Variants in MCCC2 observed in about 807,000 individuals in gnomAD.
MCCC2 encodes methylcrotonyl-CoA carboxylase subunit 2.
Under a neutral mutation model 77.2 loss-of-function variants are expected in MCCC2, and 52 were observed. The ratio of observed to expected loss-of-function variants is 0.67; its 90% CI spans 0.54 to 0.85. The LOEUF (loss-of-function observed/expected upper bound fraction) is 0.85. Among genes scored for constraint, MCCC2 ranks in the 40% least tolerant of loss-of-function variants. The probability of loss-of-function intolerance (pLI) is 0.00; values close to 1 mark genes in which losing one functional copy is unlikely to be tolerated. For synonymous variants in MCCC2, 253 were observed against 248.4 expected, an observed-to-expected ratio of 1.02 and a Z score of -0.18; for missense variants, 682 against 703.2, an observed-to-expected ratio of 0.97 and a Z score of 0.34.
intron 6 of MCCC2, among the ~76,000 whole-genome samples, chr5:71,625,246 T>C (rs1232811301): frequency 6.6e-6 from 1 of 152,206 alleles, no homozygotes; most frequent in Non-Finnish European, 1.5e-5. Flanking sequence ...GATACTGAAA[T>C]AGTTTGAGCT....
At chr5:71,616,802 A>C (rs963817866) in intron 6 of MCCC2, among the ~76,000 whole-genome samples, 11 of 152,128 alleles carry the variant, frequency 7.2e-5, no homozygotes, top group African/African-American at 2.4e-4. Flanking sequence ...GCACAAAGTG[A>C]ACACATCCTA....
intron 6 of MCCC2, among the ~76,000 whole-genome samples, chr5:71,618,188 A>G (rs1393974582): frequency 6.6e-6 from 1 of 151,986 alleles, no homozygotes; most frequent in African/African-American, 2.4e-5. Flanking sequence ...TGTCCCCCAA[A>G]AGTTTATGTG....
chr5:71,593,086 G>GTT, intron 2 of MCCC2, 94 bp downstream of exon 2: 1 of 958,038 alleles, frequency 1.0e-6, no homozygotes. Flanking sequence ...TTAAGCTTTT[G>GTT]ATATTTTTTT....
At chr5:71,635,729 A>G (rs1317113772) in intron 10 of MCCC2, 3 of 240,096 alleles carry the variant, frequency 1.2e-5, no homozygotes, top group Non-Finnish European at 2.5e-5. Context: ...GTGTTCTGTA[A>G]TTTAGATGGA....
intron 3 of MCCC2, among the ~76,000 whole-genome samples, chr5:71,596,858 C>G (rs907866825): frequency 9.2e-5 from 14 of 151,768 alleles, no homozygotes; most frequent in Non-Finnish European, 1.8e-4. Flanking sequence ...GAGAGTCGCT[C>G]GAACCCCAGA....
rs559842716 is a variant in MCCC2, at chr5:71,598,464, G to A, written c.282-1195G>A. On this transcript the variant is annotated intron_variant, in intron 3 of 16. Coordinates refer to ENST00000340941, the MANE Select transcript of MCCC2 (RefSeq NM_022132.5). Reference sequence around the variant, plus strand: ...AATTAATTATTTATTTTTTGAGATGGAGTTTTGCCCTGTTGCCCAGGCTGG... The same window carrying A: ...AATTAATTATTTATTTTTTGAGATGAAGTTTTGCCCTGTTGCCCAGGCTGG... 8.2e-4 allele frequency among the ~76,000 whole-genome samples: 124 copies of A among 151,808 alleles called. 1 individual carries two copies. Among genetic ancestry groups the A allele is most frequent in the African/African-American group, 2.9e-3 (119 of 41,442 alleles).
chr5:71,650,062 C>T lies in MCCC2; in HGVS notation c.1374-7C>T, dbSNP rs2112469087. ...TAATTTGTTTATTCTTCCTTTTCTT[C>T]CCCCAGCCCAAGATTTCTCTACATT... On this transcript the variant is annotated splice_polypyrimidine_tract_variant and splice_region_variant and intron_variant, in intron 14 of 16. Transcript: ENST00000340941. 1.9e-6 allele frequency: 3 copies of T among 1,607,992 alleles called. No individual in the cohort carries two copies. Among genetic ancestry groups the T allele is most frequent in the East Asian group, 2.2e-5 (1 of 44,868 alleles).
At chr5:71,628,159 G>A (rs1007404681) in intron 7 of MCCC2, among the ~76,000 whole-genome samples, 5 of 152,126 alleles carry the variant, frequency 3.3e-5, no homozygotes, top group Non-Finnish European at 5.9e-5. Flanking sequence ...ATCTTTTCAT[G>A]TGCCTGTTGG....
chr5:71,635,395 C>G, intron 10 of MCCC2, 149 bp downstream of exon 10: 1 of 742,130 alleles, frequency 1.3e-6, no homozygotes. Context: ...GGCAATGATA[C>G]CTTTCCATAC....
chr5:71,647,847 T>G (rs1409294587), intron 13 of MCCC2, among the ~76,000 whole-genome samples: 1 of 152,154 alleles, frequency 6.6e-6, no homozygotes, highest in Non-Finnish European at 1.5e-5. Flanking sequence ...TGCAGTTTTC[T>G]TAAGATTGGA....
intron 6 of MCCC2, among the ~76,000 whole-genome samples, chr5:71,612,833 T>G (rs1178499200): frequency 6.6e-6 from 1 of 152,226 alleles, no homozygotes; most frequent in Non-Finnish European, 1.5e-5. Flanking sequence ...CCTCCTACCT[T>G]TGCCTTGTGG....
chr5:71,617,748 A>G (rs1231740099), intron 6 of MCCC2, among the ~76,000 whole-genome samples: 1 of 152,126 alleles, frequency 6.6e-6, no homozygotes, highest in Non-Finnish European at 1.5e-5. Flanking sequence ...TTTCTCTCCA[A>G]GGTTGGTTTT....
intron 13 of MCCC2, among the ~76,000 whole-genome samples, chr5:71,647,569 G>A (rs1747303739): frequency 6.6e-6 from 1 of 152,154 alleles, no homozygotes; most frequent in Admixed American, 6.5e-5. Flanking sequence ...GTTGGGTTGA[G>A]TTTAGTTTTT....
chr5:71,629,103 G>A (rs112432720), intron 7 of MCCC2, among the ~76,000 whole-genome samples: 1,640 of 152,208 alleles, frequency 0.011, 16 homozygotes, highest in Non-Finnish European at 0.015. Flanking sequence ...CTACTCTGGA[G>A]GCTGAGGCAG....
intron 4 of MCCC2, among the ~76,000 whole-genome samples, chr5:71,599,993 C>T (rs532344095): frequency 6.6e-6 from 1 of 152,146 alleles, no homozygotes; most frequent in African/African-American, 2.4e-5. Flanking sequence ...TGGTGAAACC[C>T]TGTCTCTACT....
chr5:71,601,714 T>G (rs1223912366), intron 4 of MCCC2, among the ~76,000 whole-genome samples: 3 of 152,098 alleles, frequency 2.0e-5, no homozygotes, highest in Admixed American at 6.5e-5. Flanking sequence ...AACACAAACA[T>G]CAGAAACATA....
At position 71,635,061 on chromosome 5, in the gene MCCC2, T is replaced by C. The variant is rs781532305; in HGVS notation, c.903+19T>C. 3.7e-6 allele frequency: 6 copies of C among 1,612,890 alleles called. No individual in the cohort carries two copies. Among genetic ancestry groups the C allele is most frequent in the Middle Eastern group, 3.3e-4 (2 of 6,058 alleles). ...ATTGGATGTGAGTACGATATGTTCTTATATCTTTTATTTTCCTGAAATGCA... is the reference window on the plus strand; with the variant it reads ...ATTGGATGTGAGTACGATATGTTCTCATATCTTTTATTTTCCTGAAATGCA... On this transcript the variant is annotated intron_variant, in intron 9 of 16. Transcript: ENST00000340941.
chr5:71,623,098 C>T (rs950611914), intron 6 of MCCC2, among the ~76,000 whole-genome samples: 1 of 152,186 alleles, frequency 6.6e-6, no homozygotes, highest in Non-Finnish European at 1.5e-5. Flanking sequence ...TGAAGAACAA[C>T]AATAGAAAAG....
intron 6 of MCCC2, 149 bp downstream of exon 6, chr5:71,604,617 C>T: frequency 4.5e-6 from 3 of 668,138 alleles, no homozygotes; most frequent in Non-Finnish European, 2.6e-6. Flanking sequence ...TTTTAGGGTA[C>T]ATGTGCACAT....
Sources: allele counts gnomAD v4.1 joint callset (sites outside exome capture counted in the v4.1 genomes callset), GRCh38; gene constraint gnomAD v4.1.1; transcripts MANE v1.5; gene names NCBI Gene and HGNC (gene_info 2026-07-23, HGNC 2026-07-21).